Variants in TCTN1 observed in about 807,000 individuals in gnomAD.
TCTN1 encodes tectonic family member 1, also known as tectonic-1.
A neutral mutation model predicts 65.8 loss-of-function variants in TCTN1; 58 were observed. That is an observed-to-expected ratio of 0.88 (90% CI 0.71 to 1.10). The LOEUF is 1.10. Ranked by LOEUF, TCTN1 falls within the 50% of genes least tolerant of loss-of-function variation. The pLI is 0.00. For synonymous variants in TCTN1, 273 were observed against 289.1 expected (o/e 0.94, Z 0.57); for missense variants, 645 against 719.4 (o/e 0.90, Z 1.18).
chr12:110,639,664 G>A lies in TCTN1; in HGVS notation c.844-719G>A, dbSNP rs145883403. ...TTGACAGTGTGATGGAGTTTTGTGT[G>A]TATTTGAGATATAATTCATATACCA... On this transcript the variant is annotated intron_variant, in intron 7 of 14. Transcript: ENST00000397659. This position sits in a 1 kb window ranked among gnomAD's most constrained non-coding sequence, Gnocchi z 4.9. Among the ~76,000 whole-genome samples, 36 of 152,162 alleles carry A rather than the reference G, an allele frequency of 2.4e-4. No homozygotes were observed. Among genetic ancestry groups the A allele is most frequent in the African/African-American group, 8.4e-4 (35 of 41,502 alleles).
chr12:110,616,303 G>A (rs1159579564), intron 1 of TCTN1: 2 of 446,840 alleles, frequency 4.5e-6, no homozygotes, highest in South Asian at 1.6e-5. Flanking sequence ...TCAGGCTGGA[G>A]TATAGTGGCA....
rs2066918404 is a variant in TCTN1 at position 110,641,078 on chromosome 12, T to A, written c.1033T>A (p.Ser345Thr). 5.0e-6 allele frequency: 8 copies of A among 1,614,240 alleles called. No homozygotes were observed. The highest frequency in any genetic ancestry group is 1.6e-4 in the Middle Eastern group (1 of 6,062). ...AGGTGAAGTCACCAAAGCTGATCTC[T>A]CATTCGTTCTGGGGACAGTTAGCAG... ...DAGEVTKADL[S>T]FVLGTVSSVV... The change falls in exon 9 of 15, where the codon TCA becomes ACA. Residue 345 changes from serine to threonine, a missense_variant. Physicochemically the swap from Ser to Thr is moderately conservative, Grantham distance 58. Transcript: ENST00000397659.
At chr12:110,622,252 G>A (rs1447871779) in intron 2 of TCTN1, among the ~76,000 whole-genome samples, 2 of 152,102 alleles carry the variant, frequency 1.3e-5, no homozygotes, top group African/African-American at 4.8e-5. Context: ...CTTTTAGGCC[G>A]ACACCAGGCC....
intron 4 of TCTN1, among the ~76,000 whole-genome samples, chr12:110,630,634 A>G (rs1296011051): frequency 6.6e-6 from 1 of 152,230 alleles, no homozygotes; most frequent in Non-Finnish European, 1.5e-5. Flanking sequence ...TCATACTGCA[A>G]ATCACTTTGA....
At chr12:110,632,836 A>G (rs1038395379) in intron 5 of TCTN1, among the ~76,000 whole-genome samples, 5 of 152,116 alleles carry the variant, frequency 3.3e-5, no homozygotes, top group African/African-American at 1.2e-4. Context: ...GAGCACTTGT[A>G]GTGATGGGGA....
intron 4 of TCTN1, among the ~76,000 whole-genome samples, chr12:110,630,526 A>G (rs2066163775): frequency 6.6e-6 from 1 of 152,230 alleles, no homozygotes; most frequent in Admixed American, 6.5e-5. Context: ...TTTTGGAAGC[A>G]TCTTTTTAAA....
intron 10 of TCTN1, 141 bp from the exon 11 acceptor site, chr12:110,642,108 C>T: frequency 3.6e-6 from 4 of 1,098,142 alleles, no homozygotes; most frequent in Middle Eastern, 2.9e-4. Context: ...TTGCCTGCTC[C>T]TGGGAAATAG....
intron 4 of TCTN1, chr12:110,630,207 C>T (rs1424839647): frequency 6.6e-6 from 1 of 152,082 alleles, no homozygotes; most frequent in African/African-American, 2.4e-5. Flanking sequence ...CCCGTTATCC[C>T]AGAACTTAAA....
At chr12:110,624,524 T>C (rs1474692800) in intron 2 of TCTN1, among the ~76,000 whole-genome samples, 1 of 150,318 alleles carries the variant, frequency 6.7e-6, no homozygotes, top group Non-Finnish European at 1.5e-5. Context: ...TCTGTATCTA[T>C]AGCAAATTGA....
chr12:110,636,568 C>T lies in TCTN1; in HGVS notation c.843+67C>T, dbSNP rs1024171897. Reference sequence around the variant, plus strand: ...TTTATAATACTGTCTTATTTCTGAGCCCTTTTAAATGAATACAGTTACAAT... The same window carrying T: ...TTTATAATACTGTCTTATTTCTGAGTCCTTTTAAATGAATACAGTTACAAT... On this transcript the variant is annotated intron_variant, in intron 7 of 14. Transcript: ENST00000397659. 3.0e-6 allele frequency: 3 copies of T among 999,460 alleles called. No homozygotes were observed. In the East Asian group the frequency reaches 7.7e-5, roughly 26 times the overall value. The allele number at this position is 999,460 out of a possible 1,614,324, so 61.9% of individuals were successfully genotyped here.
chr12:110,641,443 T>G, intron 9 of TCTN1, 99 bp from the exon 10 acceptor site: 1 of 1,195,732 alleles, frequency 8.4e-7, no homozygotes, highest in Non-Finnish European at 1.2e-6. Context: ...TTTTATTGGT[T>G]GGTAATTCCA....
Position 110,626,424 on chromosome 12 carries a change from C to T in TCTN1, c.404C>T (p.Pro135Leu), listed in dbSNP as rs2065845994. ...VIYSLNFTAN[P>L]PQRVFELVDQ... ...TATTCATTGAATTTTACAGCAAACCCACCTCAAAGAGTATTTGAACTTGTT... is the reference window on the plus strand; with the variant it reads ...TATTCATTGAATTTTACAGCAAACCTACCTCAAAGAGTATTTGAACTTGTT... Residue 135 changes from proline to leucine, a missense_variant, in exon 3 of 15, where the codon CCA becomes CTA. Transcript: ENST00000397659. 6.2e-7 allele frequency: 1 copy of T among 1,610,488 alleles called. No homozygotes were observed. Among genetic ancestry groups the T allele is most frequent in the East Asian group, 2.2e-5 (1 of 44,854 alleles).
intron 3 of TCTN1, chr12:110,627,914 T>C: frequency 2.2e-6 from 2 of 907,056 alleles, no homozygotes; most frequent in Non-Finnish European, 3.3e-6. Context: ...TTTTGTTCTC[T>C]TGTGATTGAA....
chr12:110,618,805 A>AT (rs1183117862), intron 1 of TCTN1, among the ~76,000 whole-genome samples: 1 of 152,168 alleles, frequency 6.6e-6, no homozygotes, highest in African/African-American at 2.4e-5. Flanking sequence ...ATTTGACAGA[A>AT]TAAGATAGAG....
At chr12:110,648,012 C>T in intron 14 of TCTN1, 119 bp downstream of exon 14, 2 of 1,481,174 alleles carry the variant, frequency 1.4e-6, no homozygotes, top group Non-Finnish European at 1.8e-6. Flanking sequence ...CGCTTTGTTG[C>T]CCAGGCTGGA....
In TCTN1 at chr12:110,636,462, G is replaced by C; in HGVS notation, c.823-19G>C. Reference sequence around the variant, plus strand: ...TTTGTTGTACTTAACACAATTTTTTGTGGTTTCTTTTTATCTAGGTACCTG... The same window carrying C: ...TTTGTTGTACTTAACACAATTTTTTCTGGTTTCTTTTTATCTAGGTACCTG... On this transcript the variant is annotated intron_variant, in intron 6 of 14. Coordinates refer to ENST00000397659, the MANE Select transcript of TCTN1 (RefSeq NM_001082538.3). 1 of 1,368,478 alleles carries C rather than the reference G, an allele frequency of 7.3e-7. No homozygotes were observed. Among genetic ancestry groups the C allele is most frequent in the Non-Finnish European group, 1.0e-6 (1 of 968,326 alleles). 84.8% of individuals were successfully genotyped at this position (1,368,478 alleles called of 1,614,324 possible).
chr12:110,632,528 A>G lies in TCTN1; in HGVS notation c.681A>G (p.Thr227=). Residue 227 remains threonine, a synonymous_variant, in exon 5 of 15, where the codon ACA becomes ACG. Transcript: ENST00000397659. ...DSFLRFPSSL[T]SSLCTDNNPA... ...TTCTGAGATTTCCTTCGTCCCTGAC[A>G]TCATCTCTGTGCACTGATAATAACC... 6.2e-7 allele frequency: 1 copy of G among 1,614,092 alleles called. No homozygotes were observed. Among genetic ancestry groups the G allele is most frequent in the South Asian group, 1.1e-5 (1 of 91,088 alleles).
intron 12 of TCTN1, chr12:110,646,787 T>G (rs1399350136): frequency 4.2e-6 from 1 of 237,640 alleles, no homozygotes; most frequent in African/African-American, 2.3e-5. Context: ...TAACATGACA[T>G]GCAATCAGGT....
At chr12:110,622,311 G>A (rs2065488322) in intron 2 of TCTN1, among the ~76,000 whole-genome samples, 1 of 151,878 alleles carries the variant, frequency 6.6e-6, no homozygotes, top group African/African-American at 2.4e-5. Context: ...TCCTTTTCCT[G>A]TCTCAGCAGT....
Sources: gnomAD v4.1 joint callset for allele counts (sites outside exome capture counted in the v4.1 genomes callset) on GRCh38, gnomAD v4.1.1 for gene constraint, Gnocchi (gnomAD v3.1) non-coding constraint, MANE v1.5 for transcripts, NCBI Gene and HGNC (gene_info 2026-07-23, HGNC 2026-07-21) for gene names.